Variants in GLB1 observed in about 807,000 individuals in gnomAD.
The protein encoded by GLB1 is galactosidase beta 1.
GLB1 carries 56 observed loss-of-function variants against 74.0 expected under a neutral mutation model. The observed-to-expected ratio is 0.76, with a 90% CI of 0.61 to 0.94. GLB1 has a LOEUF of 0.94. Ranked by LOEUF, GLB1 falls within the 40% of genes least tolerant of loss-of-function variation. GLB1 has a pLI of 0.00. For synonymous variants in GLB1, 323 were observed against 323.6 expected (o/e 1.00, Z 0.02); for missense variants, 787 against 845.5 (o/e 0.93, Z 0.86).
chr3:33,088,510 C>T (rs566484823), intron 1 of GLB1, among the ~76,000 whole-genome samples: 2 of 151,630 alleles, frequency 1.3e-5, no homozygotes, highest in Non-Finnish European at 2.9e-5. Flanking sequence ...ATGAACAATC[C>T]TAAATGGAAT....
chr3:33,016,837 G>A lies in GLB1; in HGVS notation c.1351C>T (p.Pro451Ser), dbSNP rs267599772. ...TTGTTTCGCTCAAGGACTCCCTGGGGGATCTGTGGGGTTCAAGACCAAATG... is the reference window on the plus strand; with the variant it reads ...TTGTTTCGCTCAAGGACTCCCTGGGAGATCTGTGGGGTTCAAGACCAAATG... ...DRAYVAVDGI[P>S]QGVLERNNVI... The change falls in exon 14 of 16, where the codon CCC becomes TCC. Residue 451 changes from proline to serine, a missense_variant. Transcript: ENST00000307363. 3 of 1,613,790 alleles carry A rather than the reference G, an allele frequency of 1.9e-6. No homozygotes were observed. The highest frequency in any genetic ancestry group is 2.7e-5 in the African/African-American group (2 of 74,896).
chr3:33,022,564 A>ATTTTTTTGTTTTTTTTTTTTTTTTT (rs1697540142), intron 11 of GLB1, among the ~76,000 whole-genome samples: 1 of 63,744 alleles, frequency 1.6e-5, no homozygotes, highest in Non-Finnish European at 2.9e-5. Flanking sequence ...ACTGGTTAGG[A>ATTTTTTTGTTTTTTTTTTTTTTTTT]TTTTTTTTTT....
intron 6 of GLB1, 54 bp downstream of exon 6, chr3:33,058,035 G>A: frequency 6.2e-7 from 1 of 1,607,802 alleles, no homozygotes; most frequent in South Asian, 1.1e-5. Context: ...CAGAGCAACT[G>A]ACTGAGTAAA....
intron 14 of GLB1, among the ~76,000 whole-genome samples, chr3:33,014,923 C>T (rs1028378780): frequency 2.6e-5 from 4 of 152,122 alleles, no homozygotes; most frequent in East Asian, 1.9e-4. Flanking sequence ...GCTGAGATCG[C>T]GCCACTGTAC....
the GLB1 span, among the ~76,000 whole-genome samples, chr3:32,990,304 C>A: frequency 6.6e-6 from 1 of 152,212 alleles, no homozygotes; most frequent in Non-Finnish European, 1.5e-5. Flanking sequence ...CTCTGCTCCA[C>A]ATCAAGTCTA....
chr3:33,069,393 G>GAAAGA (rs201530059), intron 2 of GLB1, among the ~76,000 whole-genome samples: 2 of 152,022 alleles, frequency 1.3e-5, no homozygotes, highest in African/African-American at 4.8e-5. Flanking sequence ...TCAAAATAAA[G>GAAAGA]AAAGAAAAGA....
chr3:33,048,141 C>A (rs1380446483), intron 9 of GLB1, among the ~76,000 whole-genome samples: 1 of 152,146 alleles, frequency 6.6e-6, no homozygotes, highest in Admixed American at 6.5e-5. Context: ...TTAGCCAGAG[C>A]CCAGCATGGA....
the GLB1 span, among the ~76,000 whole-genome samples, chr3:32,973,898 G>C: frequency 6.6e-6 from 1 of 152,112 alleles, no homozygotes; most frequent in Non-Finnish European, 1.5e-5. Context: ...AAGTCCTCTG[G>C]GTTTTGGCAC....
At chr3:33,080,289 A>T (rs1700279254) in intron 1 of GLB1, among the ~76,000 whole-genome samples, 1 of 152,142 alleles carries the variant, frequency 6.6e-6, no homozygotes, top group Admixed American at 6.5e-5. Flanking sequence ...CACGTTGGCC[A>T]GGCTGGTTTG....
intron 4 of GLB1, among the ~76,000 whole-genome samples, chr3:33,066,358 G>A (rs1387089624): frequency 6.6e-6 from 1 of 152,158 alleles, no homozygotes; most frequent in East Asian, 1.9e-4. Context: ...TCATGGGAAT[G>A]GGACTGGTGG....
intron 10 of GLB1, chr3:33,030,922 G>A (rs762542203): frequency 4.0e-5 from 26 of 649,120 alleles, no homozygotes; most frequent in Admixed American, 6.3e-5. Flanking sequence ...AGAGGAGGTC[G>A]CTGCCCTATA....
chr3:32,996,766 T>A lies in GLB1; in HGVS notation c.*279A>T. 2 of 462,272 alleles carry A rather than the reference T, an allele frequency of 4.3e-6. No individual in the cohort carries two copies. The highest frequency in any genetic ancestry group is 4.4e-5 in the East Asian group (1 of 22,722). The allele number at this position is 462,272 out of a possible 1,614,324, so 28.6% of individuals were successfully genotyped here. ...AATTTTATTTAACAAAAAGGTAACA[T>A]GATTCTTCCAAAATAAAAATCACTA... On this transcript the variant is annotated 3_prime_UTR_variant, in exon 16 of 16. Transcript: ENST00000307363.
chr3:33,059,711 G>T (rs998507736), intron 5 of GLB1, among the ~76,000 whole-genome samples: 1 of 152,180 alleles, frequency 6.6e-6, no homozygotes, highest in Admixed American at 6.5e-5. Flanking sequence ...GCCACGTGCT[G>T]TCTCCTGACC....
In GLB1 at chr3:33,049,235, A is replaced by G. The variant is rs1320861235; in HGVS notation, c.955+2523T>C. The stretch of plus-strand genomic sequence containing the variant: ...ACCCACCAGGTCTCAACTGTTTCTC[A>G]TAAGATGAACACAGAGGGATTATCT... On this transcript the variant is annotated intron_variant, in intron 9 of 15. Transcript: ENST00000307363. Among the ~76,000 whole-genome samples the G allele has an allele frequency of 2.0e-5, 3 of 152,182 alleles. No homozygotes were observed. The East Asian group carries it at 5.8e-4, about 29-fold the overall frequency.
chr3:33,093,257 T>A lies in GLB1; in HGVS notation c.75+3754A>T, dbSNP rs201350483. The A allele has an allele frequency of 1.1e-5, 18 of 1,614,034 alleles. No homozygotes were observed. Among genetic ancestry groups the A allele is most frequent in the African/African-American group, 5.3e-5 (4 of 75,000 alleles). ...CACTGCCACTGCCACCACCACCACG[T>A]TGGGCCCGTGTGGCGGAAATCTTCA... On this transcript the variant is annotated intron_variant, in intron 1 of 15. Coordinates refer to ENST00000307363, the MANE Select transcript of GLB1 (RefSeq NM_000404.4). The surrounding 1 kb of genome is among the most constrained non-coding windows in gnomAD (Gnocchi z 6.0).
At chr3:33,091,537 T>C (rs757252252) in intron 1 of GLB1, 95 of 985,342 alleles carry the variant, frequency 9.6e-5, no homozygotes, top group Middle Eastern at 5.2e-4. Flanking sequence ...CACTGGAACG[T>C]TGAAAAATTA....
At chr3:33,063,444 A>AGGG (rs1439602795) in intron 5 of GLB1, among the ~76,000 whole-genome samples, 2 of 151,140 alleles carry the variant, frequency 1.3e-5, no homozygotes, top group Admixed American at 6.6e-5. Context: ...GAGGAGGAGG[A>AGGG]GGGGGACAGA....
At position 33,016,689 on chromosome 3, in the gene GLB1, G is replaced by T; in HGVS notation, c.1479+20C>A. ...TTGTCACCCCTTAAACCTTAGTCTT[G>T]ACAGTGTGGTTTGTCCTACCTTAAA... On this transcript the variant is annotated intron_variant, in intron 14 of 15. Transcript: ENST00000307363. 1 of 1,613,146 alleles carries T rather than the reference G, an allele frequency of 6.2e-7. No individual in the cohort carries two copies. The highest frequency in any genetic ancestry group is 1.1e-5 in the South Asian group (1 of 91,028).
intron 5 of GLB1, among the ~76,000 whole-genome samples, chr3:33,062,872 C>A (rs1331939569): frequency 2.6e-5 from 4 of 152,220 alleles, no homozygotes; most frequent in African/African-American, 9.6e-5. Flanking sequence ...AGCTTCTATT[C>A]CATTCCAGAG....
Sources: gnomAD v4.1 joint callset for allele counts (sites outside exome capture counted in the v4.1 genomes callset) on GRCh38, gnomAD v4.1.1 for gene constraint, Gnocchi (gnomAD v3.1) non-coding constraint, MANE v1.5 for transcripts, NCBI Gene and HGNC (gene_info 2026-07-23, HGNC 2026-07-21) for gene names.